Variants in PIWIL2 observed in about 807,000 individuals in gnomAD.
PIWIL2 encodes piwi like RNA-mediated gene silencing 2, also known as piwi-like protein 2.
PIWIL2 carries 81 observed loss-of-function variants against 116.5 expected under a neutral mutation model. The observed-to-expected ratio is 0.70, with a 90% confidence interval of 0.58 to 0.84. PIWIL2 has a LOEUF of 0.84. Among genes scored for constraint, PIWIL2 ranks in the 40% least tolerant of loss-of-function variants. The pLI is 0.00. For missense variants in PIWIL2, 1,272 were observed against 1,212.3 expected, an observed-to-expected ratio of 1.05 and a Z score of -0.73; for synonymous variants, 489 against 429.5, an observed-to-expected ratio of 1.14 and a Z score of -1.71.
intron 20 of PIWIL2, 97 bp downstream of exon 20, chr8:22,318,372 C>T (rs1831517094): frequency 1.5e-6 from 1 of 668,904 alleles, no homozygotes; most frequent in Admixed American, 2.7e-5. Flanking sequence ...GGTTGGAGTG[C>T]AGTGGTGCGA....
At chr8:22,298,272 AG>A (rs112805134) in intron 10 of PIWIL2, among the ~76,000 whole-genome samples, 1,932 of 150,056 alleles carry the variant, frequency 0.013, 25 homozygotes, top group Non-Finnish European at 0.015. Flanking sequence ...AAAAAAAAAA[AG>A]GATAATGGCA....
At chr8:22,331,901 C>A (rs555430143) in intron 20 of PIWIL2, among the ~76,000 whole-genome samples, 1 of 152,174 alleles carries the variant, frequency 6.6e-6, no homozygotes, top group South Asian at 2.1e-4. Flanking sequence ...CAGTCACATT[C>A]TGAGGTACTG....
intron 10 of PIWIL2, among the ~76,000 whole-genome samples, chr8:22,293,190 A>G (rs1830803760): frequency 6.6e-6 from 1 of 152,114 alleles, no homozygotes; most frequent in Non-Finnish European, 1.5e-5. Flanking sequence ...CATGGCTATA[A>G]TCCAGCGCTT....
At chr8:22,352,225 G>A (rs1276514417) in intron 20 of PIWIL2, among the ~76,000 whole-genome samples, 2 of 152,262 alleles carry the variant, frequency 1.3e-5, no homozygotes, top group Non-Finnish European at 2.9e-5. Flanking sequence ...GATGACAGGC[G>A]TGAGCCACCG....
chr8:22,281,576 A>G, intron 4 of PIWIL2, 61 bp downstream of exon 4: 5 of 1,348,764 alleles, frequency 3.7e-6, no homozygotes, highest in Non-Finnish European at 4.0e-6. Flanking sequence ...CTGTAAGTTC[A>G]GAGAGCAACT....
intron 10 of PIWIL2, among the ~76,000 whole-genome samples, chr8:22,302,191 CTTT>C (rs201462013): frequency 6.6e-6 from 1 of 150,524 alleles, no homozygotes; most frequent in South Asian, 2.1e-4. Flanking sequence ...TCTGATTTTT[CTTT>C]TTTTTTGAGA....
At position 22,306,028 on chromosome 8, in the gene PIWIL2, G is replaced by A; in HGVS notation, c.1545+12G>A. ...TCAGAGCCATGAAGGTTGGAGTCCT[G>A]TGTTTTCAGCCGGAAATGCCCACTT... is the stretch of plus-strand genomic sequence containing the variant. On this transcript the variant is annotated intron_variant, in intron 13 of 22. Transcript: ENST00000356766. The A allele has an allele frequency of 6.3e-7, 1 of 1,595,306 alleles. No homozygotes were observed. Among genetic ancestry groups the A allele is most frequent in the Non-Finnish European group, 8.6e-7 (1 of 1,162,930 alleles).
rs951052776 is a variant in PIWIL2, at chr8:22,355,629, G to A, written c.*124G>A. 7.5e-6 allele frequency: 6 copies of A among 801,304 alleles called. No individual in the cohort carries two copies. Among genetic ancestry groups the A allele is most frequent in the Non-Finnish European group, 7.8e-6 (4 of 515,602 alleles). 49.6% of individuals were successfully genotyped at this position (801,304 alleles called of 1,614,324 possible). A position where few individuals can be genotyped will look rare whatever the true frequency, so the allele number is the denominator to read the frequency against. ...TATAATTTTCCCTTTCTCCAACCCT[G>A]TAGAATAAGATTTCTTTCTTGTCTT... On this transcript the variant is annotated 3_prime_UTR_variant, in exon 23 of 23. Transcript: ENST00000356766.
At chr8:22,293,337 C>CATT (rs373957612) in intron 10 of PIWIL2, among the ~76,000 whole-genome samples, 3 of 149,938 alleles carry the variant, frequency 2.0e-5, no homozygotes, top group African/African-American at 2.5e-5. Flanking sequence ...TTTTATTTTC[C>CATT]TTTTTTTTTT....
intron 16 of PIWIL2, among the ~76,000 whole-genome samples, chr8:22,312,331 C>T (rs1831353869): frequency 6.6e-6 from 1 of 151,782 alleles, no homozygotes; most frequent in African/African-American, 2.4e-5. Flanking sequence ...CTGGTGCGAT[C>T]TTAGCTCATT....
At chr8:22,310,387 T>A (rs1831299504) in intron 15 of PIWIL2, among the ~76,000 whole-genome samples, 1 of 152,054 alleles carries the variant, frequency 6.6e-6, no homozygotes, top group Non-Finnish European at 1.5e-5. Context: ...ATCTAGAGGG[T>A]ATTTGTATCC....
rs1337988486 is a variant in PIWIL2, at chr8:22,356,812, A to T, written c.*1307A>T. Reference sequence around the variant, plus strand: ...CCAGATGGTTAGAAAGTTATCACATACCATGGGTTTCAGTGTTTTTGGAAA... The same window carrying T: ...CCAGATGGTTAGAAAGTTATCACATTCCATGGGTTTCAGTGTTTTTGGAAA... On this transcript the variant is annotated 3_prime_UTR_variant, in exon 23 of 23. Transcript: ENST00000356766. 6.6e-6 allele frequency: 1 copy of T among 152,026 alleles called. No homozygotes were observed. Among genetic ancestry groups the T allele is most frequent in the Non-Finnish European group, 1.5e-5 (1 of 68,008 alleles). The allele number at this position is 152,026 out of a possible 1,614,324, so 9.4% of individuals were successfully genotyped here. A position where few individuals can be genotyped will look rare whatever the true frequency, so the allele number is the denominator to read the frequency against.
chr8:22,292,566 T>A (rs372915286), intron 10 of PIWIL2, among the ~76,000 whole-genome samples: 2 of 152,256 alleles, frequency 1.3e-5, no homozygotes, highest in African/African-American at 4.8e-5. Context: ...AGGCCGTGTC[T>A]TTTTTGCTCA....
intron 18 of PIWIL2, 102 bp downstream of exon 18, chr8:22,315,247 T>G: frequency 1.4e-6 from 1 of 707,162 alleles, no homozygotes; most frequent in Admixed American, 2.0e-5. Flanking sequence ...CAACACTTAC[T>G]CAGTAGTCTA....
intron 10 of PIWIL2, among the ~76,000 whole-genome samples, chr8:22,300,003 G>T (rs371360973): frequency 2.0e-5 from 3 of 151,954 alleles, no homozygotes; most frequent in African/African-American, 7.2e-5. Context: ...GCAATGGTGC[G>T]ATCTCAGCTC....
rs569055037 is a variant in PIWIL2, at chr8:22,312,019, G to A, written c.1989+719G>A. ...TGGCTCACGCCTGGAATTCCAGCAC[G>A]TTGGGATGCTGAGGTGGGCGGGTTG... On this transcript the variant is annotated intron_variant, in intron 16 of 22. Transcript: ENST00000356766. Among the ~76,000 whole-genome samples the A allele has an allele frequency of 3.9e-5, 6 of 152,110 alleles. No individual in the cohort carries two copies. The South Asian group carries it at 1.0e-3, about 26-fold the overall frequency.
chr8:22,295,866 A>C (rs1830886910), intron 10 of PIWIL2, among the ~76,000 whole-genome samples: 1 of 152,190 alleles, frequency 6.6e-6, no homozygotes, highest in Non-Finnish European at 1.5e-5. Flanking sequence ...TTACTTTCTT[A>C]CGTCACTTGT....
intron 20 of PIWIL2, among the ~76,000 whole-genome samples, chr8:22,339,188 A>T (rs1181109078): frequency 2.0e-5 from 3 of 152,186 alleles, no homozygotes; most frequent in East Asian, 3.8e-4. Flanking sequence ...CTCCAAATGG[A>T]TCAAAGACCT....
At chr8:22,286,930 AT>A (rs965058820) in intron 6 of PIWIL2, among the ~76,000 whole-genome samples, 2 of 151,366 alleles carry the variant, frequency 1.3e-5, no homozygotes. Context: ...GCAAAAAAAA[AT>A]TTTTTTTTAG....
Sources: gnomAD v4.1 joint callset for allele counts (sites outside exome capture counted in the v4.1 genomes callset) on GRCh38, gnomAD v4.1.1 for gene constraint, MANE v1.5 for transcripts, NCBI Gene and HGNC (gene_info 2026-07-23, HGNC 2026-07-21) for gene names.